Variants in IL6ST observed in about 807,000 individuals in gnomAD.
The protein encoded by IL6ST is interleukin 6 cytokine family signal transducer.
Under a neutral mutation model 91.3 loss-of-function variants are expected in IL6ST, and 24 were observed. That is an observed-to-expected ratio of 0.26 (90% CI 0.19 to 0.37). The LOEUF (loss-of-function observed/expected upper bound fraction) is 0.37, where lower values mean the gene tolerates loss of function less well. Ranked by LOEUF, IL6ST falls within the 10% of genes least tolerant of loss-of-function variation. The pLI, the probability that IL6ST is intolerant of heterozygous loss-of-function variation, is 1.00. For missense variants in IL6ST, 914 were observed against 1,078.5 expected, an observed-to-expected ratio of 0.85 and a Z score of 2.14; for synonymous variants, 351 against 373.6, an observed-to-expected ratio of 0.94 and a Z score of 0.70.
chr5:55,965,814 CAAAA>C (rs34297008), intron 5 of IL6ST, among the ~76,000 whole-genome samples: 2 of 58,570 alleles, frequency 3.4e-5, no homozygotes, highest in Non-Finnish European at 7.4e-5. Flanking sequence ...AACTCTGTCT[CAAAA>C]AAAAAAAAAA....
At chr5:55,974,695 A>G (rs1753172089) in intron 3 of IL6ST, among the ~76,000 whole-genome samples, 1 of 152,114 alleles carries the variant, frequency 6.6e-6, no homozygotes. Context: ...CATGTTGGCC[A>G]GGCTAGTCTT....
intron 15 of IL6ST, among the ~76,000 whole-genome samples, chr5:55,945,701 A>G (rs937934098): frequency 9.2e-6 from 1 of 108,146 alleles, no homozygotes; most frequent in Admixed American, 1.5e-4. Flanking sequence ...CCCAGGTTGG[A>G]GTGCAGTGAT....
intron 5 of IL6ST, among the ~76,000 whole-genome samples, chr5:55,967,309 C>CAAAAAAAAAAAAAAAAAAAAAAAAAAA (rs60547666): frequency 3.1e-5 from 1 of 31,904 alleles, no homozygotes; most frequent in Non-Finnish European, 4.7e-5. Context: ...GACTCCATCT[C>CAAAAAAAAAAAAAAAAAAAAAAAAAAA]AAAAAAAAAA....
Position 55,940,438 on chromosome 5 carries a change from T to G in IL6ST, c.*644A>C, listed in dbSNP as rs1750830372. 4.8e-6 allele frequency: 1 copy of G among 209,854 alleles called. No homozygotes were observed. The highest frequency in any genetic ancestry group is 9.7e-6 in the Non-Finnish European group (1 of 103,162). 13.0% of individuals were successfully genotyped at this position (209,854 alleles called of 1,614,324 possible). On this transcript the variant is annotated 3_prime_UTR_variant, in exon 17 of 17. Transcript: ENST00000381298. The stretch of plus-strand genomic sequence containing the variant: ...ATTGATGAATAAAAAATGAGTACTT[T>G]TAATCTGCCAAGTTAAAGCTCTAGA...
At chr5:55,975,925 C>A (rs1372207634) in intron 3 of IL6ST, among the ~76,000 whole-genome samples, 1 of 150,590 alleles carries the variant, frequency 6.6e-6, no homozygotes, top group Non-Finnish European at 1.5e-5. Flanking sequence ...AACCCACACA[C>A]TTCTTTCCTT....
At chr5:55,954,767 T>C in intron 11 of IL6ST, 43 bp downstream of exon 11, 2 of 1,456,764 alleles carry the variant, frequency 1.4e-6, no homozygotes, top group Non-Finnish European at 1.9e-6. Context: ...GCCTAAAGAG[T>C]TAGAAAAAGG....
At chr5:55,968,143 T>A (rs1752748162) in intron 5 of IL6ST, 133 bp downstream of exon 5, 3 of 899,160 alleles carry the variant, frequency 3.3e-6, no homozygotes, top group Admixed American at 3.2e-5. Flanking sequence ...TTTACATATA[T>A]TTGAAATGTT....
At position 55,936,341 on chromosome 5, in the gene IL6ST, G is replaced by GT. The variant is rs57970223; in HGVS notation, c.*4740dup. 3,808 of 148,590 alleles carry GT rather than the reference G, an allele frequency of 0.026. 77 individuals are homozygous for GT. The highest frequency in any genetic ancestry group is 0.06 in the East Asian group (568 of 9,446). The allele number at this position is 148,590 out of a possible 1,614,324, so 9.2% of individuals were successfully genotyped here. ...ACTTGGGCTCTTGACAACCAAGTAG[G>GT]TTTTTTTTTTTTTTTTTTTTTTTAA... On this transcript the variant is annotated 3_prime_UTR_variant, in exon 17 of 17. Transcript: ENST00000381298.
chr5:55,992,754 G>C (rs1413452199), intron 1 of IL6ST, among the ~76,000 whole-genome samples: 1 of 151,982 alleles, frequency 6.6e-6, no homozygotes, highest in African/African-American at 2.4e-5. Context: ...GCCAACTTCT[G>C]GTAAATCCTT....
At chr5:55,980,239 T>C (rs986392209) in intron 2 of IL6ST, among the ~76,000 whole-genome samples, 2 of 152,120 alleles carry the variant, frequency 1.3e-5, no homozygotes, top group African/African-American at 4.8e-5. Flanking sequence ...ATGCAAAAAA[T>C]AAATTTAAAT....
rs1397608188 is a variant in IL6ST, at chr5:55,968,326, A to G, written c.441T>C (p.Asp147=). 1 of 1,605,958 alleles carries G rather than the reference A, an allele frequency of 6.2e-7. No individual in the cohort carries two copies. Among genetic ancestry groups the G allele is most frequent in the Non-Finnish European group, 8.5e-7 (1 of 1,177,360 alleles). ...TCTCCAAGTGTGTTTCCCTTCCACCATCCCACTCACACCTCATTTTCTTCC... is the reference window on the plus strand; with the variant it reads ...TCTCCAAGTGTGTTTCCCTTCCACCGTCCCACTCACACCTCATTTTCTTCC... ...NEGKKMRCEW[D]GGRETHLETN... The change falls in exon 5 of 17, where the codon GAT becomes GAC. Residue 147 remains aspartate (D), a synonymous_variant. Transcript: ENST00000381298.
Position 55,939,700 on chromosome 5 carries a change from T to A in IL6ST, c.*1382A>T, listed in dbSNP as rs1252854467. 2 of 207,212 alleles carry A rather than the reference T, an allele frequency of 9.7e-6. No individual in the cohort carries two copies. The highest frequency in any genetic ancestry group is 2.0e-5 in the Non-Finnish European group (2 of 101,488). The allele number at this position is 207,212 out of a possible 1,614,324, so 12.8% of individuals were successfully genotyped here. A position where few individuals can be genotyped will look rare whatever the true frequency, so the allele number is the denominator to read the frequency against. On this transcript the variant is annotated 3_prime_UTR_variant, in exon 17 of 17. Coordinates refer to ENST00000381298, the MANE Select transcript of IL6ST (RefSeq NM_002184.4). The stretch of plus-strand genomic sequence containing the variant: ...CCTATATTTAGCATCTGCTTCCATA[T>A]CGCACGTGGTGGTTAGGGGACAGCA...
chr5:55,980,641 T>A (rs556794031), intron 2 of IL6ST, among the ~76,000 whole-genome samples: 1 of 152,282 alleles, frequency 6.6e-6, no homozygotes, highest in African/African-American at 2.4e-5. Context: ...ACTCCAAACC[T>A]CAGCATCACA....
intron 2 of IL6ST, among the ~76,000 whole-genome samples, chr5:55,977,575 C>G (rs749590295): frequency 1.3e-5 from 2 of 152,106 alleles, no homozygotes; most frequent in Non-Finnish European, 2.9e-5. Context: ...CCTGTAATCC[C>G]AGCACTTTGG....
rs1367603510 is a variant in IL6ST, at chr5:55,938,865, A to G, written c.*2217T>C. On this transcript the variant is annotated 3_prime_UTR_variant, in exon 17 of 17. Coordinates refer to ENST00000381298, the MANE Select transcript of IL6ST (RefSeq NM_002184.4). ...CACAGTAATCATATATCCATTTAAT[A>G]TGTATAAAGTGTTCTTGGGGATGGG... 4.9e-6 allele frequency: 1 copy of G among 202,092 alleles called. No homozygotes were observed. Among genetic ancestry groups the G allele is most frequent in the Admixed American group, 6.0e-5 (1 of 16,732 alleles). 12.5% of individuals were successfully genotyped at this position (202,092 alleles called of 1,614,324 possible).
At chr5:55,977,009 C>CAAATGTTCA (rs1753331469) in intron 2 of IL6ST, among the ~76,000 whole-genome samples, 1 of 152,110 alleles carries the variant, frequency 6.6e-6, no homozygotes, top group African/African-American at 2.4e-5. Flanking sequence ...GACTTATACT[C>CAAATGTTCA]AAATGTTCAC....
Position 55,938,440 on chromosome 5 carries a change from TCA to T in IL6ST, c.*2640_*2641del, listed in dbSNP as rs1750672983. 2 of 193,178 alleles carry T rather than the reference TCA, an allele frequency of 1.0e-5. No individual in the cohort carries two copies. Among genetic ancestry groups the T allele is most frequent in the Admixed American group, 1.2e-4 (2 of 16,364 alleles). The allele number at this position is 193,178 out of a possible 1,614,324, so 12.0% of individuals were successfully genotyped here. On this transcript the variant is annotated 3_prime_UTR_variant, in exon 17 of 17. Transcript: ENST00000381298. ...AGATGAGGGTAGGATACCACAGACA[TCA>T]GTAACTGACAAGTTATAATATCAAC...
In IL6ST at chr5:55,947,572, C is replaced by A. The variant is rs2111639827; in HGVS notation, c.1858G>T (p.Ala620Ser). The change falls in exon 15 of 17, where the codon GCC becomes TCC. Residue 620 changes from alanine to serine, a missense_variant. Physicochemically the swap from Ala to Ser is moderately conservative, Grantham distance 99. Coordinates refer to ENST00000381298, the MANE Select transcript of IL6ST (RefSeq NM_002184.4). ...TPKFAQGEIE[A>S]IVVPVCLAFL... ...GCTAAGCAAACAGGCACGACTATGGCTTCAATTTCTCCTTGAGCTTAAAAA... is the reference window on the plus strand; with the variant it reads ...GCTAAGCAAACAGGCACGACTATGGATTCAATTTCTCCTTGAGCTTAAAAA... 1.2e-6 allele frequency: 1 copy of A among 829,738 alleles called. No homozygotes were observed. Among genetic ancestry groups the A allele is most frequent in the Non-Finnish European group, 1.8e-6 (1 of 547,200 alleles). The allele number at this position is 829,738 out of a possible 1,614,324, so 51.4% of individuals were successfully genotyped here. A position where few individuals can be genotyped will look rare whatever the true frequency, so the allele number is the denominator to read the frequency against.
chr5:55,971,364 A>G (rs181147414), intron 3 of IL6ST, among the ~76,000 whole-genome samples: 3 of 152,310 alleles, frequency 2.0e-5, no homozygotes, highest in East Asian at 1.9e-4. Flanking sequence ...ACAGGATACT[A>G]TATCAGTCTG....
Sources: allele counts gnomAD v4.1 joint callset (sites outside exome capture counted in the v4.1 genomes callset), GRCh38; gene constraint gnomAD v4.1.1; transcripts MANE v1.5; gene names NCBI Gene and HGNC (gene_info 2026-07-23, HGNC 2026-07-21).